The following GLIS3 variants were observed in gnomAD, a reference collection of about 807,000 sequenced individuals.
GLIS3 encodes zinc finger protein GLIS3.
GLIS3 carries 53 observed loss-of-function variants against 78.6 expected under a neutral mutation model. That is an observed-to-expected ratio of 0.67 (90% CI 0.54 to 0.85). The LOEUF is 0.85. Among genes scored for constraint, GLIS3 ranks in the 40% least tolerant of loss-of-function variants. The probability of loss-of-function intolerance (pLI) is 0.00; values close to 1 mark genes in which losing one functional copy is unlikely to be tolerated. For missense variants in GLIS3, 1,703 were observed against 1,231.1 expected, an observed-to-expected ratio of 1.38 and a Z score of -5.74; for synonymous variants, 684 against 509.9, an observed-to-expected ratio of 1.34 and a Z score of -4.60.
chr9:4,059,804 T>TTGTGTGTGTGTGTGTGTGTGTGTGTG (rs138674422), intron 4 of GLIS3, among the ~76,000 whole-genome samples: 22 of 107,706 alleles, frequency 2.0e-4, no homozygotes, highest in South Asian at 7.7e-4. Context: ...TCAGCTTTAT[T>TTGTGTGTGTGTGTGTGTGTGTGTGTG]TGTGTGTGTG....
chr9:4,485,250 A>G, the GLIS3 span, among the ~76,000 whole-genome samples: 1 of 151,876 alleles, frequency 6.6e-6, no homozygotes, highest in African/African-American at 2.4e-5. Context: ...CCTGACCTCA[A>G]GTAATCCATC....
chr9:4,391,526 C>T, the GLIS3 span, among the ~76,000 whole-genome samples: 3 of 150,784 alleles, frequency 2.0e-5, no homozygotes, highest in Admixed American at 2.0e-4. Context: ...TTCCTCATTG[C>T]TAGATTTATT....
At chr9:4,391,185 C>T in the GLIS3 span, among the ~76,000 whole-genome samples, 1 of 152,170 alleles carries the variant, frequency 6.6e-6, no homozygotes, top group African/African-American at 2.4e-5. Flanking sequence ...GAGGCTTCCT[C>T]TGATCCCCCT....
intron 4 of GLIS3, among the ~76,000 whole-genome samples, chr9:4,089,542 T>C (rs921634066): frequency 1.5e-4 from 23 of 152,138 alleles, no homozygotes; most frequent in African/African-American, 4.3e-4. Flanking sequence ...ACATAAAAAA[T>C]TGGCCATGTG....
chr9:3,984,025 C>T (rs890568748), intron 4 of GLIS3, among the ~76,000 whole-genome samples: 1 of 152,222 alleles, frequency 6.6e-6, no homozygotes, highest in Non-Finnish European at 1.5e-5. Context: ...TATCACAGGC[C>T]CCGAGGCCTA....
At chr9:4,178,537 G>C (rs1439786783) in intron 2 of GLIS3, among the ~76,000 whole-genome samples, 1 of 152,234 alleles carries the variant, frequency 6.6e-6, no homozygotes, top group African/African-American at 2.4e-5. Flanking sequence ...GCTTTGGTGA[G>C]CTTTGCTTGT....
chr9:4,336,387 A>T (rs73641433), intron 2 of GLIS3, among the ~76,000 whole-genome samples: 2,834 of 152,264 alleles, frequency 0.019, 86 homozygotes, highest in African/African-American at 0.062. Context: ...CCACCAGGCC[A>T]GGCCAGGTCA....
intron 2 of GLIS3, among the ~76,000 whole-genome samples, chr9:4,170,108 CAT>C (rs1209511530): frequency 1.3e-5 from 2 of 152,158 alleles, no homozygotes; most frequent in Non-Finnish European, 2.9e-5. Flanking sequence ...CACTAGTACA[CAT>C]GATTCCTGCC....
rs1817717968 is a variant in GLIS3 at position 3,826,229 on chromosome 9, T to C, written c.*2043A>G. 1 of 152,260 alleles carries C rather than the reference T, an allele frequency of 6.6e-6. No individual in the cohort carries two copies. The highest frequency in any genetic ancestry group is 1.5e-5 in the Non-Finnish European group (1 of 68,046). The allele number at this position is 152,260 out of a possible 1,614,324, so 9.4% of individuals were successfully genotyped here. A position where few individuals can be genotyped will look rare whatever the true frequency, so the allele number is the denominator to read the frequency against. On this transcript the variant is annotated 3_prime_UTR_variant, in exon 11 of 11. Coordinates refer to ENST00000381971, the MANE Select transcript of GLIS3 (RefSeq NM_001042413.2). ...GTATTTTGAGTTCCTTGTAAAGGCT[T>C]CCATATTTAAGTATGAATAGATGGT...
chr9:3,882,044 G>C (rs1461048460), intron 7 of GLIS3, among the ~76,000 whole-genome samples: 1 of 152,168 alleles, frequency 6.6e-6, no homozygotes, highest in Non-Finnish European at 1.5e-5. Context: ...AGAGTTAACT[G>C]TGTTCTTTTT....
chr9:4,103,246 T>C (rs555972559), intron 4 of GLIS3, among the ~76,000 whole-genome samples: 1 of 152,274 alleles, frequency 6.6e-6, no homozygotes, highest in Non-Finnish European at 1.5e-5. Context: ...AAAATTATTT[T>C]TACAGACTCA....
intron 6 of GLIS3, among the ~76,000 whole-genome samples, chr9:3,921,574 G>A (rs971791849): frequency 3.9e-5 from 6 of 152,108 alleles, no homozygotes; most frequent in Non-Finnish European, 7.4e-5. Flanking sequence ...GTTGGCCTTT[G>A]TAAAAGTGAC....
chr9:4,155,780 GTTTC>G (rs1835005019), intron 2 of GLIS3, among the ~76,000 whole-genome samples: 1 of 152,072 alleles, frequency 6.6e-6, no homozygotes, highest in Admixed American at 6.6e-5. Context: ...CCATCCCAGA[GTTTC>G]TGATTCAATG....
intron 6 of GLIS3, among the ~76,000 whole-genome samples, chr9:3,908,728 T>TTG (rs1554644779): frequency 2.2e-5 from 3 of 138,276 alleles, no homozygotes; most frequent in Non-Finnish European, 1.6e-5. Flanking sequence ...TTTTTTTTTT[T>TTG]GTACAGGATT....
At chr9:4,402,699 A>C in the GLIS3 span, among the ~76,000 whole-genome samples, 1 of 152,216 alleles carries the variant, frequency 6.6e-6, no homozygotes, top group African/African-American at 2.4e-5. Context: ...AATGCATTAG[A>C]GTCTCTTAAT....
chr9:4,365,915 T>C, the GLIS3 span, among the ~76,000 whole-genome samples: 1 of 152,272 alleles, frequency 6.6e-6, no homozygotes, highest in Non-Finnish European at 1.5e-5. Context: ...TGGGTGTTCA[T>C]GTATTCACAC....
chr9:4,192,525 T>C (rs1818418630), intron 2 of GLIS3, among the ~76,000 whole-genome samples: 1 of 152,234 alleles, frequency 6.6e-6, no homozygotes, highest in Non-Finnish European at 1.5e-5. Context: ...CTGTACTGGT[T>C]TCAACCTGTG....
chr9:3,987,415 T>G lies in GLIS3; in HGVS notation c.1711-50226A>C, dbSNP rs898332714. On this transcript the variant is annotated intron_variant, in intron 4 of 10. Coordinates refer to ENST00000381971, the MANE Select transcript of GLIS3 (RefSeq NM_001042413.2). ...AGAACCGAAAGAGTATATAAAGAAA[T>G]AATGGGCTGGGTGCAGTGATTCACG... is the stretch of plus-strand genomic sequence containing the variant. Among the ~76,000 whole-genome samples the G allele has an allele frequency of 2.0e-5, 3 of 151,442 alleles. 1 individual carries two copies. The highest frequency in any genetic ancestry group is 4.4e-5 in the Non-Finnish European group (3 of 67,838).
In GLIS3 at chr9:4,118,830, T is replaced by C. The variant is rs1382786152; in HGVS notation, c.648A>G (p.Glu216=). 6.2e-7 allele frequency: 1 copy of C among 1,606,280 alleles called. No homozygotes were observed. The highest frequency in any genetic ancestry group is 8.5e-7 in the Non-Finnish European group (1 of 1,179,950). The change falls in exon 4 of 11, where the codon GAA becomes GAG. Residue 216 remains glutamate, a synonymous_variant. Coordinates refer to ENST00000381971, the MANE Select transcript of GLIS3 (RefSeq NM_001042413.2). This position sits in a 1 kb window ranked among gnomAD's most constrained non-coding sequence, Gnocchi z 4.7. ...SLASTTLSLT[E]SQSASSMKQE... ...GCTTCATGCTTGAGGCCGACTGACTTTCCGTCAGACTCAAGGTCGTGGACG... is the reference window on the plus strand; with the variant it reads ...GCTTCATGCTTGAGGCCGACTGACTCTCCGTCAGACTCAAGGTCGTGGACG...
Sources: allele counts gnomAD v4.1 joint callset (sites outside exome capture counted in the v4.1 genomes callset), GRCh38; gene constraint gnomAD v4.1.1; non-coding constraint Gnocchi (gnomAD v3.1); transcripts MANE v1.5; gene names NCBI Gene and HGNC (gene_info 2026-07-23, HGNC 2026-07-21).